CLASP1: variants seen among roughly 807,000 people sequenced by gnomAD.
CLASP1 encodes the protein cytoplasmic linker associated protein 1.
CLASP1 carries 38 observed loss-of-function variants against 192.3 expected under a neutral mutation model. The ratio of observed to expected loss-of-function variants is 0.20; its 90% CI spans 0.15 to 0.26. CLASP1 has a LOEUF of 0.26. Among genes scored for constraint, CLASP1 ranks in the 10% least tolerant of loss-of-function variants. The pLI is 1.00. For missense variants in CLASP1, 1,433 were observed against 1,932.5 expected (o/e 0.74, Z 4.85); for synonymous variants, 691 against 712.8 (o/e 0.97, Z 0.49).
At chr2:121,624,547 G>C (rs2067968349) in intron 1 of CLASP1, among the ~76,000 whole-genome samples, 2 of 152,094 alleles carry the variant, frequency 1.3e-5, no homozygotes, top group Non-Finnish European at 2.9e-5. Flanking sequence ...CTCCCAAGTA[G>C]CTGGGATTAC....
chr2:121,430,259 G>A, intron 19 of CLASP1, 82 bp from the exon 20 acceptor site: 1 of 1,064,832 alleles, frequency 9.4e-7, no homozygotes, highest in Non-Finnish European at 1.4e-6. Context: ...TGCCCCAAAA[G>A]AGGGGCACTG....
chr2:121,633,395 A>C (rs1010023365), intron 1 of CLASP1, among the ~76,000 whole-genome samples: 1 of 152,006 alleles, frequency 6.6e-6, no homozygotes, highest in Admixed American at 6.6e-5. Context: ...ATTCAGAAGC[A>C]AACAAAATAG....
intron 9 of CLASP1, among the ~76,000 whole-genome samples, chr2:121,468,817 C>T (rs1050460632): frequency 6.6e-6 from 1 of 152,034 alleles, no homozygotes; most frequent in South Asian, 2.1e-4. Context: ...CAGTGAAGTT[C>T]GTTATTATCC....
chr2:121,391,937 TCA>T (rs1224267084), intron 30 of CLASP1, among the ~76,000 whole-genome samples: 1 of 152,178 alleles, frequency 6.6e-6, no homozygotes, highest in Admixed American at 6.5e-5. Context: ...AGACTCGCAG[TCA>T]CAGTTAAGCT....
At chr2:121,595,302 C>T (rs2063002127) in intron 2 of CLASP1, among the ~76,000 whole-genome samples, 1 of 152,218 alleles carries the variant, frequency 6.6e-6, no homozygotes, top group African/African-American at 2.4e-5. Flanking sequence ...CAGGGCTTAT[C>T]ATACAGCATC....
At chr2:121,387,200 G>C (rs746640653) in exon 32 of CLASP1, 1 of 1,607,692 alleles carries the variant, frequency 6.2e-7, no homozygotes, top group African/African-American at 1.3e-5. Context: ...TCGGGAGGGC[G>C]TCCGGCCAAT....
At chr2:121,394,392 T>C (rs1270958078) in intron 30 of CLASP1, among the ~76,000 whole-genome samples, 1 of 152,244 alleles carries the variant, frequency 6.6e-6, no homozygotes, top group Non-Finnish European at 1.5e-5. Flanking sequence ...AATTCTTGGC[T>C]GAGCGCTTTC....
exon 28 of CLASP1, chr2:121,401,576 T>C: frequency 6.2e-7 from 1 of 1,613,314 alleles, no homozygotes; most frequent in Non-Finnish European, 8.5e-7. Context: ...CCCATTTTCT[T>C]AAGTAATTGT....
chr2:121,548,778 A>T (rs1348074214), intron 2 of CLASP1, among the ~76,000 whole-genome samples: 2 of 152,204 alleles, frequency 1.3e-5, no homozygotes, highest in Non-Finnish European at 2.9e-5. Context: ...AAATAAAAAA[A>T]AAAAAAATCT....
rs779856051 is a variant in CLASP1, at chr2:121,397,286, G to A, written c.2980-3C>T. ...TATTTCAGGATTGCAACTTTGACCT[G>A]AAAGAACCAATAATTATAAACATTA... On this transcript the variant is annotated splice_region_variant and splice_polypyrimidine_tract_variant and intron_variant, in intron 29 of 39. Coordinates refer to ENST00000263710, the Ensembl canonical transcript of CLASP1. 1 of 1,612,160 alleles carries A rather than the reference G, an allele frequency of 6.2e-7. No homozygotes were observed. Among genetic ancestry groups the A allele is most frequent in the Non-Finnish European group, 8.5e-7 (1 of 1,178,470 alleles).
intron 7 of CLASP1, among the ~76,000 whole-genome samples, chr2:121,506,662 T>C (rs1484897293): frequency 5.9e-5 from 9 of 152,240 alleles, no homozygotes; most frequent in South Asian, 2.1e-4. Context: ...CTGGCTGACT[T>C]TGACACTCTG....
chr2:121,439,932 G>A (rs1478162737), intron 19 of CLASP1, among the ~76,000 whole-genome samples: 4 of 118,718 alleles, frequency 3.4e-5, no homozygotes, highest in African/African-American at 1.3e-4. Context: ...TGGGACTGTC[G>A]TGGGGTGGGG....
At chr2:121,424,471 A>G (rs11679909) in intron 22 of CLASP1, among the ~76,000 whole-genome samples, 1 of 152,242 alleles carries the variant, frequency 6.6e-6, no homozygotes, top group African/African-American at 2.4e-5. Flanking sequence ...GATTTTTTGT[A>G]TTATATCACA....
rs1263692770 is a variant in CLASP1 at position 121,427,449 on chromosome 2, C to T, written c.2018-19G>A. The T allele has an allele frequency of 1.9e-6, 3 of 1,612,638 alleles. No homozygotes were observed. Among genetic ancestry groups the T allele is most frequent in the Admixed American group, 1.7e-5 (1 of 59,882 alleles). On this transcript the variant is annotated intron_variant, in intron 20 of 39. Transcript: ENST00000263710. ...CTGGATCCTTGATTATGAGAGCAGACCAAAGGACAGGCAAAAAGTGGATTA... is the reference window on the plus strand; with the variant it reads ...CTGGATCCTTGATTATGAGAGCAGATCAAAGGACAGGCAAAAAGTGGATTA...
intron 1 of CLASP1, among the ~76,000 whole-genome samples, chr2:121,629,305 G>C (rs993352767): frequency 1.3e-5 from 2 of 151,440 alleles, no homozygotes; most frequent in Admixed American, 6.6e-5. Flanking sequence ...TGGGAGAATG[G>C]CATGAATCCG....
intron 8 of CLASP1, 143 bp downstream of exon 8, chr2:121,503,024 C>T: frequency 1.7e-6 from 1 of 600,334 alleles, no homozygotes; most frequent in Non-Finnish European, 3.0e-6. Context: ...TTGTTTCTGG[C>T]CTGGAAAACT....
At chr2:121,386,136 A>G (rs1192711163) in intron 32 of CLASP1, among the ~76,000 whole-genome samples, 3 of 152,258 alleles carry the variant, frequency 2.0e-5, no homozygotes, top group Non-Finnish European at 4.4e-5. Context: ...GTGATAAGGA[A>G]GAAGTGTGGG....
rs187584062 is a variant in CLASP1, at chr2:121,593,550, C to T, written c.195+12151G>A. On this transcript the variant is annotated intron_variant, in intron 2 of 39. Transcript: ENST00000263710. Reference sequence around the variant, plus strand: ...AGAAGAATCGCTTGATCCGGGGAGGCGGAAGTTGCAGGGAGCTGAGATCGT... The same window carrying T: ...AGAAGAATCGCTTGATCCGGGGAGGTGGAAGTTGCAGGGAGCTGAGATCGT... Among the ~76,000 whole-genome samples, 734 of 139,512 alleles carry T rather than the reference C, an allele frequency of 5.3e-3. 9 individuals are homozygous for T. The highest frequency in any genetic ancestry group is 0.02 in the African/African-American group (711 of 35,824). 91.5% of individuals were successfully genotyped at this position (139,512 alleles called of 152,430 possible).
At chr2:121,637,775 A>C (rs2071176588) in intron 1 of CLASP1, among the ~76,000 whole-genome samples, 1 of 152,032 alleles carries the variant, frequency 6.6e-6, no homozygotes, top group Non-Finnish European at 1.5e-5. Flanking sequence ...AATCTCAGTT[A>C]CTCAGGAGGC....
Sources: gnomAD v4.1 joint callset for allele counts (sites outside exome capture counted in the v4.1 genomes callset) on GRCh38, gnomAD v4.1.1 for gene constraint, MANE v1.5 for transcripts, NCBI Gene and HGNC (gene_info 2026-07-23, HGNC 2026-07-21) for gene names.